CDH8: variants seen among roughly 807,000 people sequenced by gnomAD.
The protein encoded by CDH8 is cadherin 8, also known as cadherin-8.
A neutral mutation model predicts 68.1 loss-of-function variants in CDH8; 17 were observed. The observed-to-expected ratio is 0.25, with a 90% CI of 0.17 to 0.37. The LOEUF (loss-of-function observed/expected upper bound fraction) is 0.37, where lower values mean the gene tolerates loss of function less well. Among genes scored for constraint, CDH8 ranks in the 10% least tolerant of loss-of-function variants. The pLI is 1.00. For missense variants in CDH8, 763 were observed against 999.3 expected (o/e 0.76, Z 3.19); for synonymous variants, 372 against 365.1 (o/e 1.02, Z -0.21).
At chr16:62,001,672 T>TTTA (rs932125713) in intron 2 of CDH8, among the ~76,000 whole-genome samples, 19 of 151,700 alleles carry the variant, frequency 1.3e-4, no homozygotes, top group African/African-American at 4.6e-4. Flanking sequence ...AAACCGGTTT[T>TTTA]TTATTATTAT....
Position 61,803,976 on chromosome 16 carries a change from C to A in CDH8, c.1277+13503G>T, listed in dbSNP as rs1213265020. 3.1e-5 allele frequency among the ~76,000 whole-genome samples: 4 copies of A among 130,478 alleles called. 1 individual carries two copies. The highest frequency in any genetic ancestry group is 6.4e-5 in the Non-Finnish European group (4 of 62,860). 85.6% of individuals were successfully genotyped at this position (130,478 alleles called of 152,430 possible). On this transcript the variant is annotated intron_variant, in intron 7 of 11. Coordinates refer to ENST00000577390, the MANE Select transcript of CDH8 (RefSeq NM_001796.5). ...CTCTGCACCAAGCGGACCTAATAGA[C>A]ATCTACAGAACTCTCCACCCCAAAT...
At chr16:61,812,755 G>A (rs907329997) in intron 7 of CDH8, among the ~76,000 whole-genome samples, 1 of 152,116 alleles carries the variant, frequency 6.6e-6, no homozygotes, top group Non-Finnish European at 1.5e-5. Flanking sequence ...TGTCATCATC[G>A]TATTCCACTT....
At chr16:61,979,065 A>T (rs1443238858) in intron 2 of CDH8, among the ~76,000 whole-genome samples, 1 of 152,116 alleles carries the variant, frequency 6.6e-6, no homozygotes, top group Non-Finnish European at 1.5e-5. Flanking sequence ...GAAAAAAAAA[A>T]AAAGCAGAGA....
At chr16:61,877,208 T>C (rs1421144246) in intron 3 of CDH8, among the ~76,000 whole-genome samples, 2 of 152,068 alleles carry the variant, frequency 1.3e-5, no homozygotes, top group Non-Finnish European at 2.9e-5. Context: ...CATAAAGAAA[T>C]TGTTTCATCA....
chr16:61,811,398 T>G (rs1473039325), intron 7 of CDH8, among the ~76,000 whole-genome samples: 2 of 152,144 alleles, frequency 1.3e-5, no homozygotes, highest in Non-Finnish European at 2.9e-5. Context: ...AAGAATTAAA[T>G]GAAACAAGTT....
intron 10 of CDH8, among the ~76,000 whole-genome samples, chr16:61,686,977 G>A (rs1596866283): frequency 6.6e-6 from 1 of 151,510 alleles, no homozygotes; most frequent in East Asian, 2.0e-4. Flanking sequence ...GTTTAAAAAG[G>A]GTTCTATAGA....
intron 4 of CDH8, among the ~76,000 whole-genome samples, chr16:61,852,272 A>T (rs1962952552): frequency 6.6e-6 from 1 of 152,098 alleles, no homozygotes. Context: ...GGAGACAGAA[A>T]TTCTTCACTC....
At chr16:61,869,904 T>C (rs948862293) in intron 3 of CDH8, among the ~76,000 whole-genome samples, 1 of 152,196 alleles carries the variant, frequency 6.6e-6, no homozygotes, top group African/African-American at 2.4e-5. Flanking sequence ...TCAAGACTCT[T>C]AGATGGAAAA....
intron 8 of CDH8, 87 bp downstream of exon 8, chr16:61,789,259 A>G (rs1020959639): frequency 1.9e-5 from 24 of 1,254,308 alleles, no homozygotes; most frequent in Non-Finnish European, 2.7e-5. Context: ...GGTACCTAAC[A>G]GAAACAGGGG....
intron 4 of CDH8, among the ~76,000 whole-genome samples, chr16:61,828,000 C>G (rs772704058): frequency 6.6e-6 from 1 of 151,820 alleles, no homozygotes; most frequent in Non-Finnish European, 1.5e-5. Context: ...AAGGCTGAGA[C>G]CTTCTGAGCT....
intron 2 of CDH8, among the ~76,000 whole-genome samples, chr16:62,001,325 G>C (rs1271929865): frequency 6.6e-6 from 1 of 152,098 alleles, no homozygotes; most frequent in East Asian, 1.9e-4. Flanking sequence ...AGGATTTCTG[G>C]GTTGGGGTGA....
chr16:61,695,856 G>A (rs549833019), intron 10 of CDH8, among the ~76,000 whole-genome samples: 2 of 152,200 alleles, frequency 1.3e-5, no homozygotes, highest in African/African-American at 2.4e-5. Context: ...GAGTTGTGCA[G>A]GCATTGAAGT....
In CDH8 at chr16:61,955,383, G is replaced by A. The variant is rs373490905; in HGVS notation, c.253-53910C>T. 7.2e-5 allele frequency among the ~76,000 whole-genome samples: 11 copies of A among 152,146 alleles called. No homozygotes were observed. In the South Asian group the frequency reaches 1.4e-3, roughly 20 times the overall value. ...CAAACATCAAGCTGTAGCCAATCCCGCTGTTTGTGTACATCAATTCTGTTT... is the reference window on the plus strand; with the variant it reads ...CAAACATCAAGCTGTAGCCAATCCCACTGTTTGTGTACATCAATTCTGTTT... On this transcript the variant is annotated intron_variant, in intron 2 of 11. Coordinates refer to ENST00000577390, the MANE Select transcript of CDH8 (RefSeq NM_001796.5).
At chr16:61,708,869 C>T (rs1340701100) in intron 10 of CDH8, among the ~76,000 whole-genome samples, 1 of 152,144 alleles carries the variant, frequency 6.6e-6, no homozygotes, top group African/African-American at 2.4e-5. Flanking sequence ...GAAGAAATGT[C>T]CCATGCTTCA....
chr16:61,831,604 T>A (rs1430834269), intron 4 of CDH8, among the ~76,000 whole-genome samples: 1 of 151,810 alleles, frequency 6.6e-6, no homozygotes, highest in Non-Finnish European at 1.5e-5. Context: ...TGTTATTTTT[T>A]CTTCCCATTG....
intron 2 of CDH8, among the ~76,000 whole-genome samples, chr16:61,985,027 G>A (rs573531606): frequency 8.0e-4 from 121 of 152,102 alleles, no homozygotes; most frequent in African/African-American, 2.7e-3. Flanking sequence ...ATTACTGAGT[G>A]AGTACAACTG....
chr16:61,808,261 T>C (rs1248716149), intron 7 of CDH8, among the ~76,000 whole-genome samples: 1 of 152,150 alleles, frequency 6.6e-6, no homozygotes, highest in African/African-American at 2.4e-5. Flanking sequence ...GTGAAGGGAC[T>C]AGGGTTTGGC....
Position 61,817,337 on chromosome 16 carries a change from C to CAG in CDH8, c.1277+141_1277+142insCT, listed in dbSNP as rs1285633472. The CAG allele has an allele frequency of 9.4e-6, 7 of 746,344 alleles. No individual in the cohort carries two copies. In the African/African-American group the frequency reaches 1.2e-4, roughly 13 times the overall value. The allele number at this position is 746,344 out of a possible 1,614,324, so 46.2% of individuals were successfully genotyped here. ...CCACACACACACACACACACACACACACACAGTATGTGCCAACCAACATTA... is the reference window on the plus strand; with the variant it reads ...CCACACACACACACACACACACACACAGACACAGTATGTGCCAACCAACATTA... On this transcript the variant is annotated intron_variant, in intron 7 of 11. Transcript: ENST00000577390.
intron 2 of CDH8, among the ~76,000 whole-genome samples, chr16:61,915,528 G>A (rs750941191): frequency 2.6e-5 from 4 of 152,216 alleles, no homozygotes; most frequent in East Asian, 1.9e-4. Flanking sequence ...TCAACATTAC[G>A]CACCAGAACC....
Sources: gnomAD v4.1 joint callset for allele counts (sites outside exome capture counted in the v4.1 genomes callset) on GRCh38, gnomAD v4.1.1 for gene constraint, MANE v1.5 for transcripts, NCBI Gene and HGNC (gene_info 2026-07-23, HGNC 2026-07-21) for gene names.